Variants in KALRN observed in about 807,000 individuals in gnomAD.
KALRN encodes the protein kalirin.
A neutral mutation model predicts 353.7 loss-of-function variants in KALRN; 70 were observed. That is an observed-to-expected ratio of 0.20 (90% CI 0.16 to 0.24). The LOEUF is 0.24. KALRN is among the 10% of genes least tolerant of loss of function. The pLI is 1.00. For missense variants in KALRN, 2,791 were observed against 3,756.7 expected (o/e 0.74, Z 6.72); for synonymous variants, 1,391 against 1,434.8 (o/e 0.97, Z 0.69).
intron 33 of KALRN, among the ~76,000 whole-genome samples, chr3:124,512,878 A>G (rs922832956): frequency 1.3e-5 from 2 of 151,586 alleles, no homozygotes; most frequent in Non-Finnish European, 2.9e-5. Context: ...ACAACATGAC[A>G]TAATAAATTT....
intron 57 of KALRN, among the ~76,000 whole-genome samples, chr3:124,702,481 A>G (rs186778535): frequency 2.0e-5 from 3 of 152,170 alleles, no homozygotes; most frequent in Non-Finnish European, 4.4e-5. Context: ...TAATGGAAAC[A>G]TGTTTTAATA....
intron 34 of KALRN, among the ~76,000 whole-genome samples, chr3:124,574,670 T>C (rs2073907721): frequency 6.6e-6 from 1 of 152,340 alleles, no homozygotes; most frequent in Non-Finnish European, 1.5e-5. Context: ...AGAGGAAAGA[T>C]GGTGCAGTTT....
At chr3:124,107,950 C>A (rs544774721) in intron 1 of KALRN, among the ~76,000 whole-genome samples, 1 of 152,292 alleles carries the variant, frequency 6.6e-6, no homozygotes, top group African/African-American at 2.4e-5. Flanking sequence ...CTACACAGAT[C>A]AGAGTTAACA....
Position 124,292,073 on chromosome 3 carries a change from C to A in KALRN, c.970-6718C>A, listed in dbSNP as rs1039005503. On this transcript the variant is annotated intron_variant, in intron 5 of 59. Transcript: ENST00000682506. Reference sequence around the variant, plus strand: ...GAATTCTTGGAACCTGGAGAAAACTCCACATTTTGGGGTCCTTTATGAGGT... The same window carrying A: ...GAATTCTTGGAACCTGGAGAAAACTACACATTTTGGGGTCCTTTATGAGGT... Among the ~76,000 whole-genome samples, 4 of 152,288 alleles carry A rather than the reference C, an allele frequency of 2.6e-5. No homozygotes were observed. In the East Asian group the frequency reaches 5.8e-4, roughly 22 times the overall value.
At chr3:124,339,955 C>A (rs2081517698) in intron 9 of KALRN, among the ~76,000 whole-genome samples, 1 of 152,146 alleles carries the variant, frequency 6.6e-6, no homozygotes, top group Non-Finnish European at 1.5e-5. Context: ...CATATGGTTG[C>A]AAAACGTCTC....
At chr3:124,424,308 T>C (rs184485242) in intron 15 of KALRN, among the ~76,000 whole-genome samples, 73 of 152,286 alleles carry the variant, frequency 4.8e-4, no homozygotes, top group Non-Finnish European at 8.5e-4. Flanking sequence ...ACCTTTTTTC[T>C]TCAGAAAACC....
intron 1 of KALRN, among the ~76,000 whole-genome samples, chr3:124,066,121 G>C (rs1251064858): frequency 6.6e-6 from 1 of 152,190 alleles, no homozygotes; most frequent in Non-Finnish European, 1.5e-5. Context: ...GAGTCATCAG[G>C]CTAGGTGGGA....
intron 2 of KALRN, among the ~76,000 whole-genome samples, chr3:124,232,265 G>C (rs892409194): frequency 3.3e-5 from 5 of 152,160 alleles, no homozygotes; most frequent in South Asian, 2.1e-4. Flanking sequence ...TATCCTGTCA[G>C]CAACCCTGAA....
chr3:124,304,604 A>G (rs1048270022), intron 6 of KALRN, among the ~76,000 whole-genome samples: 10 of 152,238 alleles, frequency 6.6e-5, no homozygotes, highest in African/African-American at 2.4e-4. Flanking sequence ...TAAAACAAGC[A>G]TTTAAAGTAT....
chr3:124,711,104 G>A (rs1207088017), intron 57 of KALRN, among the ~76,000 whole-genome samples: 1 of 152,132 alleles, frequency 6.6e-6, no homozygotes. Context: ...TTTGCTTACT[G>A]TGCCAAGAAT....
At chr3:124,243,852 C>T (rs1377859647) in intron 3 of KALRN, among the ~76,000 whole-genome samples, 1 of 152,190 alleles carries the variant, frequency 6.6e-6, no homozygotes, top group Non-Finnish European at 1.5e-5. Context: ...ATTTAGCTCA[C>T]AGAAGGGGCT....
At chr3:124,566,832 G>A (rs1431982906) in intron 34 of KALRN, among the ~76,000 whole-genome samples, 3 of 152,198 alleles carry the variant, frequency 2.0e-5, no homozygotes, top group East Asian at 1.9e-4. Context: ...ATAGGACAGA[G>A]TGGTCTCATC....
At chr3:124,257,753 C>T (rs529406853) in intron 3 of KALRN, among the ~76,000 whole-genome samples, 164 of 152,318 alleles carry the variant, frequency 1.1e-3, no homozygotes, top group Non-Finnish European at 2.0e-3. Context: ...TTCTCCCTCT[C>T]AAGTAGCAGG....
At chr3:124,515,132 T>C (rs1261189045) in intron 33 of KALRN, among the ~76,000 whole-genome samples, 2 of 152,236 alleles carry the variant, frequency 1.3e-5, no homozygotes, top group Non-Finnish European at 1.5e-5. Flanking sequence ...ATAATAAACA[T>C]GTTCTCCTTT....
intron 1 of KALRN, among the ~76,000 whole-genome samples, chr3:124,055,750 T>C (rs2041472522): frequency 6.6e-6 from 1 of 152,210 alleles, no homozygotes; most frequent in South Asian, 2.1e-4. Flanking sequence ...TTTGATGGGA[T>C]CTGACTACAG....
intron 33 of KALRN, among the ~76,000 whole-genome samples, chr3:124,543,890 G>C (rs2069337716): frequency 6.6e-6 from 1 of 152,126 alleles, no homozygotes; most frequent in African/African-American, 2.4e-5. Context: ...TGACTTCTGT[G>C]GGCAGAGTTT....
intron 34 of KALRN, among the ~76,000 whole-genome samples, chr3:124,587,145 A>G (rs542458020): frequency 6.6e-6 from 1 of 152,264 alleles, no homozygotes. Flanking sequence ...CAGGGGACTG[A>G]CTGCCTCCCT....
At chr3:124,216,654 G>A (rs1302492435) in intron 1 of KALRN, among the ~76,000 whole-genome samples, 4 of 152,190 alleles carry the variant, frequency 2.6e-5, no homozygotes, top group African/African-American at 9.7e-5. Flanking sequence ...TTCTGGAGAA[G>A]GATTTTGGCT....
intron 33 of KALRN, among the ~76,000 whole-genome samples, chr3:124,515,334 G>T (rs1200727813): frequency 6.6e-6 from 1 of 152,168 alleles, no homozygotes; most frequent in African/African-American, 2.4e-5. Context: ...TCATAAAAAA[G>T]AATGCTGAGA....
Sources: gnomAD v4.1 joint callset for allele counts (sites outside exome capture counted in the v4.1 genomes callset) on GRCh38, gnomAD v4.1.1 for gene constraint, MANE v1.5 for transcripts, NCBI Gene and HGNC (gene_info 2026-07-23, HGNC 2026-07-21) for gene names.